Variants in PEX3 observed in about 807,000 individuals in gnomAD.
The protein encoded by PEX3 is peroxisomal biogenesis factor 3, also known as peroxin-3.
Under a neutral mutation model 55.8 loss-of-function variants are expected in PEX3, and 30 were observed. The ratio of observed to expected loss-of-function variants is 0.54; its 90% CI spans 0.40 to 0.73. The LOEUF is 0.73. PEX3 is among the 30% of genes least tolerant of loss of function. The pLI, the probability that PEX3 is intolerant of heterozygous loss-of-function variation, is 0.00. For synonymous variants in PEX3, 135 were observed against 148.4 expected (o/e 0.91, Z 0.66); for missense variants, 351 against 432.8 (o/e 0.81, Z 1.68).
At chr6:143,460,873 A>T (rs1386383319) in intron 2 of PEX3, among the ~76,000 whole-genome samples, 2 of 151,918 alleles carry the variant, frequency 1.3e-5, no homozygotes, top group East Asian at 3.9e-4. Flanking sequence ...TCAAAAAAAA[A>T]AAAAAAAAAA....
At position 143,463,411 on chromosome 6, in the gene PEX3, G is replaced by T. The variant is rs1779950670; in HGVS notation, c.287+414G>T. On this transcript the variant is annotated intron_variant, in intron 3 of 11. Transcript: ENST00000367591. This position sits in a 1 kb window ranked among gnomAD's most constrained non-coding sequence, Gnocchi z 5.7. ...ACGTTTTAAATAAATAAGATATACA[G>T]GACTTATATCTTAAATTACTAACAA... 6.6e-6 allele frequency among the ~76,000 whole-genome samples: 1 copy of T among 152,128 alleles called. No homozygotes were observed. Among genetic ancestry groups the T allele is most frequent in the Non-Finnish European group, 1.5e-5 (1 of 68,002 alleles).
chr6:143,473,924 T>C (rs161066), intron 8 of PEX3, among the ~76,000 whole-genome samples: 103,365 of 150,480 alleles, frequency 0.69, 35,824 homozygotes, highest in African/African-American at 0.78. Context: ...GCCAGGAATT[T>C]GAGACCAGCC....
chr6:143,462,373 A>T lies in PEX3; in HGVS notation c.206-543A>T, dbSNP rs544427076. On this transcript the variant is annotated intron_variant, in intron 2 of 11. Coordinates refer to ENST00000367591, the MANE Select transcript of PEX3 (RefSeq NM_003630.3). The surrounding 1 kb of genome is among the most constrained non-coding windows in gnomAD (Gnocchi z 4.1). ...CAGTAACAAATAATACCCACTGACA[A>T]AACTAAAACTCAGCAACTCTTAGTT... Among the ~76,000 whole-genome samples, 16 of 152,326 alleles carry T rather than the reference A, an allele frequency of 1.1e-4. No homozygotes were observed. The East Asian group carries it at 2.5e-3, about 24-fold the overall frequency.
At chr6:143,484,539 G>T in intron 10 of PEX3, among the ~76,000 whole-genome samples, 1 of 152,104 alleles carries the variant, frequency 6.6e-6, no homozygotes, top group African/African-American at 2.4e-5. Context: ...CACTGGAGTA[G>T]GGGGGAAATA....
In PEX3 at chr6:143,453,382, G is replaced by T. The variant is rs544348315; in HGVS notation, c.73+2267G>T. On this transcript the variant is annotated intron_variant, in intron 1 of 11. Coordinates refer to ENST00000367591, the MANE Select transcript of PEX3 (RefSeq NM_003630.3). This position sits in a 1 kb window ranked among gnomAD's most constrained non-coding sequence, Gnocchi z 4.6. ...AAGTAAGTAAGTAAAACCTTGAGTAGCAGGCCTTCTTAAGTAACAATTTCT... is the reference window on the plus strand; with the variant it reads ...AAGTAAGTAAGTAAAACCTTGAGTATCAGGCCTTCTTAAGTAACAATTTCT... Among the ~76,000 whole-genome samples, 3 of 152,220 alleles carry T rather than the reference G, an allele frequency of 2.0e-5. No homozygotes were observed. The highest frequency in any genetic ancestry group is 4.8e-5 in the African/African-American group (2 of 41,452).
rs563126887 is a variant in PEX3 at position 143,466,640 on chromosome 6, C to T, written c.288-1482C>T. Among the ~76,000 whole-genome samples the T allele has an allele frequency of 3.3e-5, 5 of 152,026 alleles. No individual in the cohort carries two copies. In the South Asian group the frequency reaches 8.3e-4, roughly 25 times the overall value. On this transcript the variant is annotated intron_variant, in intron 3 of 11. Transcript: ENST00000367591. This position sits in a 1 kb window ranked among gnomAD's most constrained non-coding sequence, Gnocchi z 5.4. ...CAGGCATCTACCGAGGGTCTTCAAA[C>T]GTATCCCCCAAGGATAAGAAGGGAC...
In PEX3 at chr6:143,490,466, C is replaced by T. The variant is rs1780370742; in HGVS notation, c.*1240C>T. ...TAAAAATAGGTAGTGGAGCCATAGC[C>T]CTCACCATAGACACCTCTGAGCCCA... is the stretch of plus-strand genomic sequence containing the variant. On this transcript the variant is annotated 3_prime_UTR_variant, in exon 12 of 12. Coordinates refer to ENST00000367591, the MANE Select transcript of PEX3 (RefSeq NM_003630.3). The surrounding 1 kb of genome is among the most constrained non-coding windows in gnomAD (Gnocchi z 6.0). 4.5e-6 allele frequency: 1 copy of T among 221,738 alleles called. No homozygotes were observed. Among genetic ancestry groups the T allele is most frequent in the South Asian group, 6.8e-5 (1 of 14,684 alleles). The allele number at this position is 221,738 out of a possible 1,614,324, so 13.7% of individuals were successfully genotyped here.
intron 4 of PEX3, among the ~76,000 whole-genome samples, chr6:143,469,860 G>A (rs1171127009): frequency 6.6e-6 from 1 of 152,140 alleles, no homozygotes; most frequent in Admixed American, 6.5e-5. Context: ...TGTATAAGGT[G>A]TGAGAAAGGG....
In PEX3 at chr6:143,485,026, T is replaced by G. The variant is rs901680375; in HGVS notation, c.942-126T>G. 46 of 689,218 alleles carry G rather than the reference T, an allele frequency of 6.7e-5. No individual in the cohort carries two copies. The highest frequency in any genetic ancestry group is 3.4e-4 in the African/African-American group (19 of 55,490). The allele number at this position is 689,218 out of a possible 1,614,324, so 42.7% of individuals were successfully genotyped here. A position where few individuals can be genotyped will look rare whatever the true frequency, so the allele number is the denominator to read the frequency against. On this transcript the variant is annotated intron_variant, in intron 10 of 11. Transcript: ENST00000367591. The surrounding 1 kb of genome is among the most constrained non-coding windows in gnomAD (Gnocchi z 5.6). ...ATTTCTAAGCGATAGAATTGTGGGG[T>G]TTTTTTTCCTTTTTAATAGATTTCC...
intron 10 of PEX3, chr6:143,484,918 A>T: frequency 2.0e-6 from 1 of 491,198 alleles, no homozygotes; most frequent in Non-Finnish European, 3.7e-6. Flanking sequence ...AGGAGGTTAG[A>T]GGTTTTTGGT....
chr6:143,472,034 C>T, intron 7 of PEX3, 126 bp from the exon 8 acceptor site: 2 of 718,190 alleles, frequency 2.8e-6, no homozygotes, highest in African/African-American at 1.8e-5. Flanking sequence ...CATTCTATTC[C>T]AGTCAGCAGT....
In PEX3 at chr6:143,485,452, C is replaced by T. The variant is rs112622268; in HGVS notation, c.1038+204C>T. Among the ~76,000 whole-genome samples, 36 of 151,998 alleles carry T rather than the reference C, an allele frequency of 2.4e-4. No homozygotes were observed. The highest frequency in any genetic ancestry group is 8.2e-4 in the African/African-American group (34 of 41,470). On this transcript the variant is annotated intron_variant, in intron 11 of 11. Coordinates refer to ENST00000367591, the MANE Select transcript of PEX3 (RefSeq NM_003630.3). The surrounding 1 kb of genome is among the most constrained non-coding windows in gnomAD (Gnocchi z 5.6). ...TGTGTAAGTTTGGAGTACCTTTCTC[C>T]GTGTTGTAGTCCAACACTGTGGGAC...
In PEX3 at chr6:143,463,811, A is replaced by G. The variant is rs1779955334; in HGVS notation, c.287+814A>G. Among the ~76,000 whole-genome samples, 1 of 152,136 alleles carries G rather than the reference A, an allele frequency of 6.6e-6. No homozygotes were observed. Among genetic ancestry groups the G allele is most frequent in the African/African-American group, 2.4e-5 (1 of 41,432 alleles). On this transcript the variant is annotated intron_variant, in intron 3 of 11. Coordinates refer to ENST00000367591, the MANE Select transcript of PEX3 (RefSeq NM_003630.3). This position sits in a 1 kb window ranked among gnomAD's most constrained non-coding sequence, Gnocchi z 5.7. ...CTAGGTACCTTCCATATATGCTCCC[A>G]CTTAATTTACACAATATCCCTGTGA...
Position 143,468,122 on chromosome 6 carries a change from GC to G in PEX3, c.290del (p.Pro97LeufsTer5). 6.5e-7 allele frequency: 1 copy of G among 1,533,966 alleles called. No homozygotes were observed. The highest frequency in any genetic ancestry group is 9.0e-7 in the Non-Finnish European group (1 of 1,110,026). On this transcript the variant is annotated frameshift_variant and splice_region_variant, in exon 4 of 12. Transcript: ENST00000367591. LOFTEE classifies it high-confidence loss of function. The part of the protein sequence containing the change: ...ESLTALLKNR[P>X]SNKLEIWEDL... ...CATATTTTTAAATTTTGTTCTTTAGGCCTTCAAACAAGCTAGAAATATGGGA... is the reference window on the plus strand; with the variant it reads ...CATATTTTTAAATTTTGTTCTTTAGGCTTCAAACAAGCTAGAAATATGGGA...
chr6:143,457,495 C>A (rs554978968), intron 1 of PEX3, among the ~76,000 whole-genome samples: 1 of 152,320 alleles, frequency 6.6e-6, no homozygotes, highest in South Asian at 2.1e-4. Flanking sequence ...TCACCTATAG[C>A]ACCTGTATTA....
chr6:143,454,820 T>C lies in PEX3; in HGVS notation c.73+3705T>C, dbSNP rs1207915010. Among the ~76,000 whole-genome samples the C allele has an allele frequency of 6.6e-6, 1 of 152,194 alleles. No individual in the cohort carries two copies. Among genetic ancestry groups the C allele is most frequent in the Non-Finnish European group, 1.5e-5 (1 of 68,042 alleles). On this transcript the variant is annotated intron_variant, in intron 1 of 11. Coordinates refer to ENST00000367591, the MANE Select transcript of PEX3 (RefSeq NM_003630.3). The surrounding 1 kb of genome is among the most constrained non-coding windows in gnomAD (Gnocchi z 4.3). ...GAGCAATTCAAGAGGTTCAGCAACA[T>C]TGCTTTTTATGAATGAAACTGTATT...
Position 143,451,027 on chromosome 6 carries a change from C to G in PEX3, c.-16C>G. ...GTCCCTCACCCCTAGTCAGCCCACA[C>G]CCCTAGGGCCTAAAGATGCTGAGGT... On this transcript the variant is annotated 5_prime_UTR_variant, in exon 1 of 12. Transcript: ENST00000367591. The surrounding 1 kb of genome is among the most constrained non-coding windows in gnomAD (Gnocchi z 4.1). 1 of 1,596,806 alleles carries G rather than the reference C, an allele frequency of 6.3e-7. No homozygotes were observed.
chr6:143,485,072 A>C lies in PEX3; in HGVS notation c.942-80A>C. The C allele has an allele frequency of 1.2e-6, 1 of 810,648 alleles. No homozygotes were observed. Among genetic ancestry groups the C allele is most frequent in the Non-Finnish European group, 2.2e-6 (1 of 451,550 alleles). 50.2% of individuals were successfully genotyped at this position (810,648 alleles called of 1,614,324 possible). A position where few individuals can be genotyped will look rare whatever the true frequency, so the allele number is the denominator to read the frequency against. Reference sequence around the variant, plus strand: ...TTTCCAAAAATATTCTACAATGGCTATGTATTACTTTTATAATTAAGATGT... The same window carrying C: ...TTTCCAAAAATATTCTACAATGGCTCTGTATTACTTTTATAATTAAGATGT... On this transcript the variant is annotated intron_variant, in intron 10 of 11. Coordinates refer to ENST00000367591, the MANE Select transcript of PEX3 (RefSeq NM_003630.3). The surrounding 1 kb of genome is among the most constrained non-coding windows in gnomAD (Gnocchi z 5.6).
Position 143,458,933 on chromosome 6 carries a change from G to T in PEX3, c.74-152G>T. 1.8e-6 allele frequency: 1 copy of T among 568,610 alleles called. No homozygotes were observed. Among genetic ancestry groups the T allele is most frequent in the Admixed American group, 3.1e-5 (1 of 32,534 alleles). The allele number at this position is 568,610 out of a possible 1,614,324, so 35.2% of individuals were successfully genotyped here. A position where few individuals can be genotyped will look rare whatever the true frequency, so the allele number is the denominator to read the frequency against. On this transcript the variant is annotated intron_variant, in intron 1 of 11. Transcript: ENST00000367591. The surrounding 1 kb of genome is among the most constrained non-coding windows in gnomAD (Gnocchi z 6.1). ...TAAAAATGCTAATTTCCTTTTCTTT[G>T]GGCCAATCTTACAAAATTCTTTATT...
Sources: allele counts gnomAD v4.1 joint callset (sites outside exome capture counted in the v4.1 genomes callset), GRCh38; gene constraint gnomAD v4.1.1; non-coding constraint Gnocchi (gnomAD v3.1); transcripts MANE v1.5; gene names NCBI Gene and HGNC (gene_info 2026-07-23, HGNC 2026-07-21).